The following MINDY3 variants were observed in gnomAD, a reference collection of about 807,000 sequenced individuals.
MINDY3 encodes the protein MINDY lysine 48 deubiquitinase 3, also known as ubiquitin carboxyl-terminal hydrolase MINDY-3.
Under a neutral mutation model 69.2 loss-of-function variants are expected in MINDY3, and 38 were observed. The ratio of observed to expected loss-of-function variants is 0.55; its 90% CI spans 0.42 to 0.72. The LOEUF is 0.72. MINDY3 is among the 30% of genes least tolerant of loss of function. The probability of loss-of-function intolerance (pLI) is 0.00; values close to 1 mark genes in which losing one functional copy is unlikely to be tolerated. For synonymous variants in MINDY3, 192 were observed against 180.1 expected (o/e 1.07, Z -0.53); for missense variants, 522 against 519.0 (o/e 1.01, Z -0.06).
At chr10:15,843,886 G>A (rs1191103536) in intron 2 of MINDY3, among the ~76,000 whole-genome samples, 7 of 152,102 alleles carry the variant, frequency 4.6e-5, no homozygotes, top group Non-Finnish European at 1.0e-4. Flanking sequence ...GTAGTTCAAC[G>A]GTAGCTATAT....
intron 10 of MINDY3, among the ~76,000 whole-genome samples, chr10:15,812,061 C>T (rs1482832688): frequency 6.6e-6 from 1 of 152,114 alleles, no homozygotes; most frequent in African/African-American, 2.4e-5. Flanking sequence ...CCTGCCTCAG[C>T]CTCCTGAGTA....
chr10:15,834,134 T>C (rs769336207), intron 7 of MINDY3, among the ~76,000 whole-genome samples: 42 of 152,046 alleles, frequency 2.8e-4, no homozygotes, highest in Non-Finnish European at 4.0e-4. Context: ...CACTGTTTCA[T>C]TGAGTTTTGG....
At chr10:15,830,309 A>C (rs1840370394) in intron 8 of MINDY3, among the ~76,000 whole-genome samples, 1 of 152,204 alleles carries the variant, frequency 6.6e-6, no homozygotes, top group African/African-American at 2.4e-5. Context: ...AACAGTGCTC[A>C]AGGACTTGAT....
At chr10:15,858,005 T>C in intron 1 of MINDY3, 1 of 903,618 alleles carries the variant, frequency 1.1e-6, no homozygotes, top group Non-Finnish European at 1.3e-6. Context: ...ACATTAGTAA[T>C]GCAGCAAAGC....
chr10:15,818,891 T>C (rs988177955), intron 9 of MINDY3, among the ~76,000 whole-genome samples: 1 of 152,086 alleles, frequency 6.6e-6, no homozygotes, highest in Middle Eastern at 3.2e-3. Flanking sequence ...AGGAAAACAT[T>C]TTGGAATTAG....
At chr10:15,803,729 C>A (rs892163811) in intron 10 of MINDY3, among the ~76,000 whole-genome samples, 1 of 151,786 alleles carries the variant, frequency 6.6e-6, no homozygotes, top group South Asian at 2.1e-4. Flanking sequence ...GAAAAACATG[C>A]TACTCTATCT....
At chr10:15,850,205 C>T (rs1273134113) in intron 1 of MINDY3, among the ~76,000 whole-genome samples, 3 of 152,160 alleles carry the variant, frequency 2.0e-5, no homozygotes, top group Non-Finnish European at 4.4e-5. Flanking sequence ...CCGTCATCTT[C>T]GTAAGCTGAG....
chr10:15,845,337 T>C (rs1833755024), intron 2 of MINDY3, among the ~76,000 whole-genome samples: 1 of 152,314 alleles, frequency 6.6e-6, no homozygotes, highest in South Asian at 2.1e-4. Flanking sequence ...TTTGGTTCCA[T>C]TATTTTGCCT....
chr10:15,779,670 G>A (rs761181974), intron 14 of MINDY3, among the ~76,000 whole-genome samples: 3 of 152,008 alleles, frequency 2.0e-5, no homozygotes, highest in Admixed American at 6.6e-5. Flanking sequence ...TGCTATTATG[G>A]TATTAAATAT....
chr10:15,829,291 C>T (rs894625655), intron 8 of MINDY3, among the ~76,000 whole-genome samples: 10 of 152,076 alleles, frequency 6.6e-5, no homozygotes, highest in African/African-American at 2.2e-4. Context: ...TTTTAACGAC[C>T]GGGAGGCAGA....
intron 12 of MINDY3, among the ~76,000 whole-genome samples, chr10:15,788,290 T>TC (rs1837131975): frequency 6.6e-6 from 1 of 152,182 alleles, no homozygotes. Context: ...ATTATTCATT[T>TC]ATTAATATTT....
chr10:15,849,311 T>C (rs1025213424), intron 1 of MINDY3, among the ~76,000 whole-genome samples: 2 of 151,884 alleles, frequency 1.3e-5, no homozygotes, highest in African/African-American at 4.8e-5. Flanking sequence ...AGCTAAAGGG[T>C]AGTACGGGGG....
intron 3 of MINDY3, among the ~76,000 whole-genome samples, 196 bp downstream of exon 3, chr10:15,843,016 A>T (rs1833587347): frequency 6.6e-6 from 1 of 151,808 alleles, no homozygotes; most frequent in Admixed American, 6.6e-5. Context: ...TAGTTATACC[A>T]TCATGTCTTA....
intron 10 of MINDY3, among the ~76,000 whole-genome samples, chr10:15,801,075 A>G (rs1838223802): frequency 6.6e-6 from 1 of 152,202 alleles, no homozygotes; most frequent in South Asian, 2.1e-4. Flanking sequence ...CTGCTAACAA[A>G]GAGGCAGCAG....
In MINDY3 at chr10:15,860,167, G is replaced by C. The variant is rs1035042706; in HGVS notation, c.94+39C>G. On this transcript the variant is annotated intron_variant, in intron 1 of 14. Transcript: ENST00000277632. ...ACAGGCGGACTCTCGCAGGGCAAAA[G>C]AAGCAGCGGCTGCAAGTGTGAGAGC... is the stretch of plus-strand genomic sequence containing the variant. 2.0e-6 allele frequency: 3 copies of C among 1,489,502 alleles called. No homozygotes were observed. In the African/African-American group the frequency reaches 4.1e-5, roughly 21 times the overall value. The allele number at this position is 1,489,502 out of a possible 1,614,324, so 92.3% of individuals were successfully genotyped here. A position where few individuals can be genotyped will look rare whatever the true frequency, so the allele number is the denominator to read the frequency against.
chr10:15,821,530 A>C, intron 9 of MINDY3, 126 bp downstream of exon 9: 1 of 622,022 alleles, frequency 1.6e-6, no homozygotes, highest in Non-Finnish European at 2.7e-6. Context: ...GGGGATAGGA[A>C]GGAAGAAGAG....
chr10:15,837,764 A>G, intron 5 of MINDY3: 1 of 1,035,996 alleles, frequency 9.7e-7, no homozygotes, highest in South Asian at 3.4e-5. Flanking sequence ...GTTACATTTT[A>G]AACCAAATGC....
intron 5 of MINDY3, 31 bp from the exon 6 acceptor site, chr10:15,837,349 T>A (rs1833156710): frequency 6.8e-7 from 1 of 1,476,904 alleles, no homozygotes; most frequent in Non-Finnish European, 9.3e-7. Flanking sequence ...AGTATTGGTA[T>A]CATGATGAGA....
chr10:15,855,001 C>T (rs1368620413), intron 1 of MINDY3, among the ~76,000 whole-genome samples: 1 of 152,124 alleles, frequency 6.6e-6, no homozygotes, highest in African/African-American at 2.4e-5. Context: ...AAATTAAGAT[C>T]TGCTAAACTT....
Sources: gnomAD v4.1 joint callset for allele counts (sites outside exome capture counted in the v4.1 genomes callset) on GRCh38, gnomAD v4.1.1 for gene constraint, MANE v1.5 for transcripts, NCBI Gene and HGNC (gene_info 2026-07-23, HGNC 2026-07-21) for gene names.